ZNF385B: variants seen among roughly 807,000 people sequenced by gnomAD.
The protein encoded by ZNF385B is zinc finger protein 385B, also known as zinc finger protein 533.
In ZNF385B, 23 loss-of-function variants were observed where a neutral mutation model predicts 39.2. The observed-to-expected ratio is 0.59, with a 90% CI of 0.42 to 0.83. ZNF385B has a LOEUF of 0.83. ZNF385B is among the 40% of genes least tolerant of loss of function. The probability of loss-of-function intolerance (pLI) is 0.00; values close to 1 mark genes in which losing one functional copy is unlikely to be tolerated. For missense variants in ZNF385B, 552 were observed against 598.9 expected, an observed-to-expected ratio of 0.92 and a Z score of 0.82; for synonymous variants, 205 against 222.6, an observed-to-expected ratio of 0.92 and a Z score of 0.70.
intron 3 of ZNF385B, among the ~76,000 whole-genome samples, chr2:179,595,781 A>G (rs902172132): frequency 6.6e-6 from 1 of 151,306 alleles, no homozygotes; most frequent in Non-Finnish European, 1.5e-5. Context: ...CCACAAGCAC[A>G]TTAGGCACGT....
chr2:179,727,572 A>T (rs1241452609), intron 3 of ZNF385B, among the ~76,000 whole-genome samples: 2 of 152,160 alleles, frequency 1.3e-5, no homozygotes, highest in Non-Finnish European at 2.9e-5. Context: ...CTACTTAAGT[A>T]GACCATAGCA....
chr2:179,450,631 A>C (rs2105580485), intron 6 of ZNF385B, among the ~76,000 whole-genome samples: 1 of 152,084 alleles, frequency 6.6e-6, no homozygotes, highest in Non-Finnish European at 1.5e-5. Flanking sequence ...GAGAAATAGG[A>C]ACACTTTTAC....
intron 5 of ZNF385B, among the ~76,000 whole-genome samples, chr2:179,515,954 CTA>C (rs80192274): frequency 0.072 from 10,978 of 152,196 alleles, 447 homozygotes; most frequent in South Asian, 0.11. Context: ...CCCCTGTTAA[CTA>C]CACTGATCTG....
At chr2:179,855,939 T>G (rs1474032949) in intron 1 of ZNF385B, among the ~76,000 whole-genome samples, 1 of 152,126 alleles carries the variant, frequency 6.6e-6, no homozygotes, top group Non-Finnish European at 1.5e-5. Flanking sequence ...TGGTGGTGAG[T>G]GGCTAAGCCA....
chr2:179,614,187 C>A (rs1490183560), intron 3 of ZNF385B, among the ~76,000 whole-genome samples: 1 of 152,196 alleles, frequency 6.6e-6, no homozygotes, highest in Non-Finnish European at 1.5e-5. Context: ...GCTGTGATCA[C>A]TCCCCGGATT....
intron 5 of ZNF385B, among the ~76,000 whole-genome samples, chr2:179,486,051 C>T (rs1188120485): frequency 1.3e-5 from 2 of 152,048 alleles, no homozygotes; most frequent in Non-Finnish European, 2.9e-5. Context: ...AAAAGTGTAA[C>T]ATTATTTTAG....
In ZNF385B at chr2:179,483,302, G is replaced by C. The variant is rs955808422; in HGVS notation, c.685C>G (p.Pro229Ala). Reference sequence around the variant, plus strand: ...TTGTCAGAGTTGTTGCCTGTGATTGGAGTGATGGAGCAGCTGGGATTAGCC... The same window carrying C: ...TTGTCAGAGTTGTTGCCTGTGATTGCAGTGATGGAGCAGCTGGGATTAGCC... ...AKANPSCSIT[P>A]ITGNNSDKSE... Residue 229 changes from proline to alanine, a missense_variant, in exon 6 of 10, where the codon CCA becomes GCA. Pro to Ala is a conservative substitution (Grantham distance 27). Coordinates refer to ENST00000410066, the MANE Select transcript of ZNF385B (RefSeq NM_152520.6). 6.2e-7 allele frequency: 1 copy of C among 1,613,978 alleles called. No homozygotes were observed. Among genetic ancestry groups the C allele is most frequent in the Non-Finnish European group, 8.5e-7 (1 of 1,179,926 alleles).
At chr2:179,621,278 T>C (rs76353892) in intron 3 of ZNF385B, among the ~76,000 whole-genome samples, 5,593 of 152,278 alleles carry the variant, frequency 0.037, 145 homozygotes, top group Middle Eastern at 0.065. Context: ...ACCTGGAATA[T>C]CTTTAGTACA....
intron 3 of ZNF385B, among the ~76,000 whole-genome samples, chr2:179,649,213 C>A (rs1692999945): frequency 6.6e-6 from 1 of 152,118 alleles, no homozygotes; most frequent in African/African-American, 2.4e-5. Flanking sequence ...AACAACACCA[C>A]AGAACAAAAT....
chr2:179,506,580 C>T lies in ZNF385B; in HGVS notation c.552+11948G>A, dbSNP rs964798330. 2.6e-5 allele frequency among the ~76,000 whole-genome samples: 4 copies of T among 151,926 alleles called. No individual in the cohort carries two copies. The East Asian group carries it at 7.7e-4, about 29-fold the overall frequency. On this transcript the variant is annotated intron_variant, in intron 5 of 9. Transcript: ENST00000410066. ...GTTACTATAATGGTATTATTCATTA[C>T]TGTGATGGACTAATATACATATTTT... is the stretch of plus-strand genomic sequence containing the variant.
At chr2:179,638,522 G>A (rs187132888) in intron 3 of ZNF385B, among the ~76,000 whole-genome samples, 62 of 152,248 alleles carry the variant, frequency 4.1e-4, no homozygotes, top group African/African-American at 1.4e-3. Flanking sequence ...TTACTTGGGA[G>A]AATGGAAATG....
At chr2:179,782,507 T>C (rs1226760842) in intron 1 of ZNF385B, among the ~76,000 whole-genome samples, 1 of 152,084 alleles carries the variant, frequency 6.6e-6, no homozygotes, top group African/African-American at 2.4e-5. Flanking sequence ...GGGAACAAAA[T>C]AAACGGCATC....
At chr2:179,608,573 T>C (rs3112971) in intron 3 of ZNF385B, among the ~76,000 whole-genome samples, 151,987 of 152,310 alleles carry the variant, frequency 1, 75,833 homozygotes, top group Non-Finnish European at 1. Context: ...CTTGTGCTTC[T>C]AAATAAAATC....
intron 3 of ZNF385B, among the ~76,000 whole-genome samples, chr2:179,735,595 C>A (rs1224857643): frequency 6.9e-6 from 1 of 144,384 alleles, no homozygotes; most frequent in African/African-American, 2.6e-5. Flanking sequence ...ATGTTTATTG[C>A]AGCATTATTC....
At chr2:179,450,520 C>G (rs572482507) in intron 6 of ZNF385B, among the ~76,000 whole-genome samples, 1 of 152,298 alleles carries the variant, frequency 6.6e-6, no homozygotes, top group South Asian at 2.1e-4. Context: ...CACTGGCCAT[C>G]AGAGAAATGC....
intron 5 of ZNF385B, among the ~76,000 whole-genome samples, chr2:179,517,383 T>C (rs368580073): frequency 7.0e-4 from 106 of 151,992 alleles, no homozygotes; most frequent in African/African-American, 2.3e-3. Flanking sequence ...TAACACTGTA[T>C]ATTTCTCAGT....
intron 3 of ZNF385B, among the ~76,000 whole-genome samples, chr2:179,736,024 A>G (rs1701733129): frequency 6.7e-6 from 1 of 149,192 alleles, no homozygotes; most frequent in Non-Finnish European, 1.5e-5. Flanking sequence ...AACTTAAAGT[A>G]TAATAATAAA....
At chr2:179,544,510 C>G (rs1327966575) in intron 4 of ZNF385B, among the ~76,000 whole-genome samples, 1 of 151,978 alleles carries the variant, frequency 6.6e-6, no homozygotes, top group Non-Finnish European at 1.5e-5. Context: ...AATTGTATTC[C>G]TGAGCATGTG....
intron 5 of ZNF385B, among the ~76,000 whole-genome samples, chr2:179,496,851 C>A (rs1490797360): frequency 6.6e-6 from 1 of 152,180 alleles, no homozygotes; most frequent in East Asian, 1.9e-4. Context: ...GTGTTCGAGA[C>A]CAGCCTGGCC....
Sources: allele counts gnomAD v4.1 joint callset (sites outside exome capture counted in the v4.1 genomes callset), GRCh38; gene constraint gnomAD v4.1.1; transcripts MANE v1.5; gene names NCBI Gene and HGNC (gene_info 2026-07-23, HGNC 2026-07-21).